The following CALB2 variants were observed in gnomAD, a reference collection of about 807,000 sequenced individuals.
The protein encoded by CALB2 is calbindin 2.
A neutral mutation model predicts 45.9 loss-of-function variants in CALB2; 34 were observed. That is an observed-to-expected ratio of 0.74 (90% CI 0.56 to 0.99). The LOEUF (loss-of-function observed/expected upper bound fraction) is 0.99. Among genes scored for constraint, CALB2 ranks in the 50% least tolerant of loss-of-function variants. CALB2 has a pLI of 0.00. For missense variants in CALB2, 344 were observed against 339.3 expected, an observed-to-expected ratio of 1.01 and a Z score of -0.11; for synonymous variants, 142 against 129.6, an observed-to-expected ratio of 1.10 and a Z score of -0.65.
Position 71,385,691 on chromosome 16 carries a change from C to T in CALB2, c.699+43C>T, listed in dbSNP as rs534592657. The T allele has an allele frequency of 4.3e-5, 67 of 1,556,938 alleles. 1 individual carries two copies. Among genetic ancestry groups the T allele is most frequent in the African/African-American group, 2.6e-4 (19 of 73,974 alleles). On this transcript the variant is annotated intron_variant, in intron 10 of 10. Transcript: ENST00000302628. The stretch of plus-strand genomic sequence containing the variant: ...AGGCCCGGCCACTGTCCCCAGGGCA[C>T]AGGAGAGGCTTCTGCAGGAGAGGAG...
At chr16:71,382,413 C>A (rs975925625) in intron 4 of CALB2, among the ~76,000 whole-genome samples, 2 of 152,158 alleles carry the variant, frequency 1.3e-5, no homozygotes, top group Non-Finnish European at 2.9e-5. Context: ...TAATAAACTG[C>A]CCCTAAAACT....
chr16:71,387,163 G>A (rs1396147458), intron 10 of CALB2, among the ~76,000 whole-genome samples: 1 of 152,218 alleles, frequency 6.6e-6, no homozygotes, highest in Non-Finnish European at 1.5e-5. Flanking sequence ...AAATCTCAGA[G>A]TGACCTGAAT....
intron 1 of CALB2, among the ~76,000 whole-genome samples, chr16:71,368,148 T>G (rs930992534): frequency 2.2e-4 from 34 of 152,098 alleles, no homozygotes; most frequent in African/African-American, 8.0e-4. Flanking sequence ...CCACACCCCA[T>G]TACAGCATAA....
rs1365843411 is a variant in CALB2, at chr16:71,358,764, T to G, written c.-29T>G. On this transcript the variant is annotated 5_prime_UTR_variant, in exon 1 of 11. Transcript: ENST00000302628. ...CCCAGCCGGCGCGGAGCGGGAGCGG[T>G]GCAGGCTGAGGTCTCCGAGCGGCTC... 1.9e-6 allele frequency: 3 copies of G among 1,572,894 alleles called. No homozygotes were observed. The highest frequency in any genetic ancestry group is 2.6e-6 in the Non-Finnish European group (3 of 1,154,540).
At position 71,389,874 on chromosome 16, in the gene CALB2, C is replaced by T. The variant is rs757766057; in HGVS notation, c.*9C>T. 90 of 1,581,286 alleles carry T rather than the reference C, an allele frequency of 5.7e-5. No homozygotes were observed. Among genetic ancestry groups the T allele is most frequent in the Admixed American group, 1.3e-4 (8 of 59,962 alleles). On this transcript the variant is annotated 3_prime_UTR_variant, in exon 11 of 11. Transcript: ENST00000302628. ...GCGAGCCCCCCATGTAAAGTGGGGA[C>T]GGGGGCTGCTTCTCCACCTCCCCCA...
At chr16:71,358,972 G>C (rs1423112252) in intron 1 of CALB2, 86 bp downstream of exon 1, 2 of 1,204,666 alleles carry the variant, frequency 1.7e-6, no homozygotes, top group African/African-American at 1.5e-5. Context: ...AATGCGGGCA[G>C]GTGTACGTTT....
At chr16:71,384,607 C>G (rs1055176876) in intron 8 of CALB2, among the ~76,000 whole-genome samples, 176 bp from the exon 9 acceptor site, 13 of 18,422 alleles carry the variant, frequency 7.1e-4, no homozygotes, top group African/African-American at 1.7e-3. Flanking sequence ...ACATATCACA[C>G]GCACACACCC....
intron 1 of CALB2, among the ~76,000 whole-genome samples, chr16:71,368,174 G>C (rs1019947766): frequency 6.6e-6 from 1 of 152,154 alleles, no homozygotes; most frequent in African/African-American, 2.4e-5. Flanking sequence ...ACCATGGCAG[G>C]ACCTAGCTGG....
chr16:71,377,466 G>A (rs1241695732), intron 3 of CALB2, among the ~76,000 whole-genome samples: 1 of 152,050 alleles, frequency 6.6e-6, no homozygotes, highest in African/African-American at 2.4e-5. Flanking sequence ...CTTAAGGTTG[G>A]GACGACTCAA....
chr16:71,384,894 G>A (rs2042552793), intron 9 of CALB2, 58 bp downstream of exon 9: 1 of 1,442,112 alleles, frequency 6.9e-7, no homozygotes, highest in Non-Finnish European at 9.8e-7. Context: ...CCGTCCAGAA[G>A]GGCTCAGCTT....
intron 1 of CALB2, among the ~76,000 whole-genome samples, chr16:71,368,622 G>T (rs894924255): frequency 6.6e-6 from 1 of 152,208 alleles, no homozygotes; most frequent in East Asian, 1.9e-4. Context: ...GTGGTCCTGA[G>T]CAAGTTGCTT....
At position 71,382,623 on chromosome 16, in the gene CALB2, A is replaced by G. The variant is rs980046605; in HGVS notation, c.343-96A>G. On this transcript the variant is annotated intron_variant, in intron 4 of 10. Transcript: ENST00000302628. ...CCATCCCATTCCGATATTCTTGAAG[A>G]TCAAGACCCTGGGTGGCCCATTAAA... The G allele has an allele frequency of 2.2e-5, 25 of 1,161,100 alleles. No individual in the cohort carries two copies. The Admixed American group carries it at 4.8e-4, about 22-fold the overall frequency. The allele number at this position is 1,161,100 out of a possible 1,614,324, so 71.9% of individuals were successfully genotyped here.
chr16:71,384,306 C>A (rs2042537823), intron 7 of CALB2, 33 bp from the exon 8 acceptor site: 1 of 1,595,874 alleles, frequency 6.3e-7, no homozygotes, highest in Non-Finnish European at 8.6e-7. Context: ...CCTGTGCAGT[C>A]TCCTCATCTC....
At chr16:71,372,334 T>A in intron 2 of CALB2, 105 bp downstream of exon 2, 1 of 739,420 alleles carries the variant, frequency 1.4e-6, no homozygotes, top group African/African-American at 1.8e-5. Flanking sequence ...ATATCGCTGG[T>A]CTTGACACAG....
chr16:71,365,783 C>G (rs867623537), intron 1 of CALB2, among the ~76,000 whole-genome samples: 1 of 151,808 alleles, frequency 6.6e-6, no homozygotes, highest in Middle Eastern at 3.4e-3. Context: ...TTTTATGTAC[C>G]CTAAAGTTTG....
At chr16:71,384,476 ACACC>A in intron 8 of CALB2, 98 bp downstream of exon 8, 1 of 914,682 alleles carries the variant, frequency 1.1e-6, no homozygotes, top group South Asian at 1.3e-5. Context: ...CACACTACAC[ACACC>A]CACACACACC....
At chr16:71,384,428 G>A (rs760854221) in intron 8 of CALB2, 50 bp downstream of exon 8, 4 of 1,484,564 alleles carry the variant, frequency 2.7e-6, no homozygotes, top group East Asian at 2.3e-5. Context: ...CTCTGAGCCT[G>A]GCCCTGCACC....
chr16:71,360,040 C>T (rs1475039271), intron 1 of CALB2, among the ~76,000 whole-genome samples: 1 of 152,248 alleles, frequency 6.6e-6, no homozygotes, highest in Non-Finnish European at 1.5e-5. Flanking sequence ...CTTGTGGGCT[C>T]TGACACCTGT....
rs142659490 is a variant in CALB2 at position 71,368,050 on chromosome 16, A to G, written c.95-4103A>G. On this transcript the variant is annotated intron_variant, in intron 1 of 10. Transcript: ENST00000302628. ...AGCCCTGGAAGTCGATCTCTACTCTATGACACCATCATTCTTTCATTGCTC... is the reference window on the plus strand; with the variant it reads ...AGCCCTGGAAGTCGATCTCTACTCTGTGACACCATCATTCTTTCATTGCTC... 4.6e-3 allele frequency among the ~76,000 whole-genome samples: 704 copies of G among 152,136 alleles called. 3 individuals are homozygous for G. The highest frequency in any genetic ancestry group is 8.7e-3 in the Non-Finnish European group (589 of 68,004).
Sources: gnomAD v4.1 joint callset for allele counts (sites outside exome capture counted in the v4.1 genomes callset) on GRCh38, gnomAD v4.1.1 for gene constraint, MANE v1.5 for transcripts, NCBI Gene and HGNC (gene_info 2026-07-23, HGNC 2026-07-21) for gene names.